ABLIM2: variants seen among roughly 807,000 people sequenced by gnomAD.
The protein encoded by ABLIM2 is actin-binding LIM protein 2.
Under a neutral mutation model 97.7 loss-of-function variants are expected in ABLIM2, and 53 were observed. The observed-to-expected ratio is 0.54, with a 90% confidence interval of 0.44 to 0.68. ABLIM2 has a LOEUF of 0.68. Ranked by LOEUF, ABLIM2 falls within the 30% of genes least tolerant of loss-of-function variation. The pLI is 0.00. For synonymous variants in ABLIM2, 361 were observed against 345.8 expected (o/e 1.04, Z -0.49); for missense variants, 835 against 867.2 (o/e 0.96, Z 0.47).
chr4:8,020,085 G>A lies in ABLIM2; in HGVS notation c.1369+117C>T. 1.7e-5 allele frequency: 15 copies of A among 879,244 alleles called. No homozygotes were observed. The South Asian group carries it at 2.4e-4, about 14-fold the overall frequency. The allele number at this position is 879,244 out of a possible 1,614,324, so 54.5% of individuals were successfully genotyped here. On this transcript the variant is annotated intron_variant, in intron 13 of 20. Transcript: ENST00000447017. ...TCAGTGCCTGGGGAGCAGTGGAGGA[G>A]CCTGGAGTGTCGTCTGGCGCCTGCT...
chr4:8,087,494 C>G lies in ABLIM2; in HGVS notation c.454+675G>C, dbSNP rs1264335960. The stretch of plus-strand genomic sequence containing the variant: ...GGAGGTGGAGCAGTGAACCCAAGGG[C>G]CCCTGACTGCGGGAGCCCGGAGCTC... On this transcript the variant is annotated intron_variant, in intron 4 of 20. Transcript: ENST00000447017. The surrounding 1 kb of genome is among the most constrained non-coding windows in gnomAD (Gnocchi z 4.6). Among the ~76,000 whole-genome samples the G allele has an allele frequency of 6.6e-6, 1 of 152,230 alleles. No individual in the cohort carries two copies. Among genetic ancestry groups the G allele is most frequent in the Non-Finnish European group, 1.5e-5 (1 of 68,036 alleles).
At chr4:8,084,045 G>C (rs544066398) in intron 4 of ABLIM2, among the ~76,000 whole-genome samples, 12 of 152,120 alleles carry the variant, frequency 7.9e-5, no homozygotes, top group East Asian at 3.9e-4. Flanking sequence ...AGGGGAGTAG[G>C]GGGGAGTCTC....
In ABLIM2 at chr4:8,032,520, G is replaced by A. The variant is rs1405304730; in HGVS notation, c.1048-2744C>T. On this transcript the variant is annotated intron_variant, in intron 10 of 20. Coordinates refer to ENST00000447017, the MANE Select transcript of ABLIM2 (RefSeq NM_001130083.2). The surrounding 1 kb of genome is among the most constrained non-coding windows in gnomAD (Gnocchi z 4.3). ...GAGGGTGCCCCATGTCACAAGGGCC[G>A]TGGCCCCGGGCCCCATGGTGAAGAG... 11 of 1,189,604 alleles carry A rather than the reference G, an allele frequency of 9.2e-6. No individual in the cohort carries two copies. The highest frequency in any genetic ancestry group is 2.4e-5 in the East Asian group (1 of 40,834). The allele number at this position is 1,189,604 out of a possible 1,614,324, so 73.7% of individuals were successfully genotyped here.
In ABLIM2 at chr4:8,005,409, C is replaced by T. The variant is rs776582722; in HGVS notation, c.1618+2650G>A. 19 of 533,522 alleles carry T rather than the reference C, an allele frequency of 3.6e-5. No individual in the cohort carries two copies. The highest frequency in any genetic ancestry group is 8.3e-4 in the Middle Eastern group (2 of 2,410). 33.0% of individuals were successfully genotyped at this position (533,522 alleles called of 1,614,324 possible). ...GTGTCACAATCCTACCTTCCTTGGGCGCGCTACAGATGGACGTCCCGGGGT... is the reference window on the plus strand; with the variant it reads ...GTGTCACAATCCTACCTTCCTTGGGTGCGCTACAGATGGACGTCCCGGGGT... On this transcript the variant is annotated intron_variant, in intron 16 of 20. Transcript: ENST00000447017. The surrounding 1 kb of genome is among the most constrained non-coding windows in gnomAD (Gnocchi z 4.9).
At chr4:7,978,898 TA>T (rs1735784050) in intron 20 of ABLIM2, among the ~76,000 whole-genome samples, 1 of 152,168 alleles carries the variant, frequency 6.6e-6, no homozygotes. Context: ...AGGCAGAGGC[TA>T]CCCAAGAGAG....
rs557946715 is a variant in ABLIM2 at position 8,115,182 on chromosome 4, A to G, written c.11-8545T>C. ...AATACCTCAGGCTCCTGACCTCCAC[A>G]TGCCCCTCTCAGCATCACTGTCACC... On this transcript the variant is annotated intron_variant, in intron 1 of 20. Transcript: ENST00000447017. Among the ~76,000 whole-genome samples, 14 of 152,222 alleles carry G rather than the reference A, an allele frequency of 9.2e-5. No individual in the cohort carries two copies. The East Asian group carries it at 2.5e-3, about 27-fold the overall frequency.
intron 10 of ABLIM2, among the ~76,000 whole-genome samples, chr4:8,030,969 C>T (rs967253373): frequency 6.6e-6 from 1 of 152,242 alleles, no homozygotes. Flanking sequence ...CTACCATCCC[C>T]CAGCACTGTG....
intron 6 of ABLIM2, chr4:8,066,624 C>T (rs180915011): frequency 2.6e-5 from 4 of 152,254 alleles, no homozygotes; most frequent in Middle Eastern, 3.4e-3. Context: ...ACTCTGAAAA[C>T]GTGTGCAGTG....
intron 9 of ABLIM2, among the ~76,000 whole-genome samples, chr4:8,038,770 C>T (rs1483072606): frequency 6.6e-6 from 1 of 152,184 alleles, no homozygotes; most frequent in African/African-American, 2.4e-5. Context: ...CCCGAGCCAG[C>T]CATTTGTAAT....
chr4:8,138,597 T>C (rs573210438), intron 1 of ABLIM2, among the ~76,000 whole-genome samples: 1 of 152,222 alleles, frequency 6.6e-6, no homozygotes, highest in Admixed American at 6.5e-5. Flanking sequence ...TTCAACAAAC[T>C]TGAGAAAACA....
At chr4:8,094,076 A>C (rs368128647) in intron 3 of ABLIM2, among the ~76,000 whole-genome samples, 1 of 152,164 alleles carries the variant, frequency 6.6e-6, no homozygotes, top group Non-Finnish European at 1.5e-5. Flanking sequence ...AAGTTTACTG[A>C]TATTTTCTTC....
chr4:8,007,118 C>T, intron 16 of ABLIM2: 1 of 985,436 alleles, frequency 1.0e-6, no homozygotes. Flanking sequence ...TTTCTACTTT[C>T]ATTGTTAAGT....
chr4:7,973,977 G>A (rs1730478460), intron 20 of ABLIM2, among the ~76,000 whole-genome samples: 1 of 152,246 alleles, frequency 6.6e-6, no homozygotes, highest in Non-Finnish European at 1.5e-5. Flanking sequence ...GGAGCCTCAT[G>A]AAGTCTGTTG....
In ABLIM2 at chr4:8,113,043, C is replaced by A. The variant is rs1471806010; in HGVS notation, c.11-6406G>T. Among the ~76,000 whole-genome samples the A allele has an allele frequency of 6.6e-6, 1 of 152,218 alleles. No individual in the cohort carries two copies. Among genetic ancestry groups the A allele is most frequent in the Non-Finnish European group, 1.5e-5 (1 of 68,036 alleles). On this transcript the variant is annotated intron_variant, in intron 1 of 20. Coordinates refer to ENST00000447017, the MANE Select transcript of ABLIM2 (RefSeq NM_001130083.2). The surrounding 1 kb of genome is among the most constrained non-coding windows in gnomAD (Gnocchi z 4.5). Reference sequence around the variant, plus strand: ...CAAACTCCTCTTTCTGTCCAGCGAACCAGCTCTCACGACCCAGACAGCAGA... The same window carrying A: ...CAAACTCCTCTTTCTGTCCAGCGAAACAGCTCTCACGACCCAGACAGCAGA...
intron 10 of ABLIM2, among the ~76,000 whole-genome samples, chr4:8,035,043 ATGGGTGGTAGGTAGGTGGGTGCAGGTGAG>A (rs1477163912): frequency 9.3e-4 from 28 of 30,076 alleles, no homozygotes; most frequent in South Asian, 1.3e-3. Context: ...CAGGTGGGTG[ATGGGTGGTAGGTAGGTGGGTGCAGGTGAG>A]TGGGTGGCAG....
chr4:8,097,158 C>G lies in ABLIM2; in HGVS notation c.279G>C (p.Glu93Asp), dbSNP rs769740568. The change falls in exon 3 of 21, where the codon GAG (glutamate) becomes GAC (aspartate). Residue 93 changes from glutamate (E) to aspartate (D), a missense_variant. Transcript: ENST00000447017. ...CFSCDQFIEGEVVSALGKTYH... is the reference protein window; with the variant it reads ...CFSCDQFIEGDVVSALGKTYH... ...AGGTCTTGCCCAGCGCCGACACCAC[C>G]TCACCCTCAATGAACTGGTCGCAGC... 9 of 1,610,658 alleles carry G rather than the reference C, an allele frequency of 5.6e-6. No homozygotes were observed. Among genetic ancestry groups the G allele is most frequent in the Non-Finnish European group, 7.6e-6 (9 of 1,178,784 alleles).
intron 14 of ABLIM2, among the ~76,000 whole-genome samples, chr4:8,017,301 AT>A (rs199555557): frequency 1.3e-3 from 174 of 133,174 alleles, no homozygotes; most frequent in African/African-American, 3.3e-3. Flanking sequence ...TATTATTATT[AT>A]TTTTTTTTTT....
Position 7,970,896 on chromosome 4 carries a change from G to T in ABLIM2, c.1825-3793C>A, listed in dbSNP as rs780004888. ...CTCGTATGTGGCCTACAGGGCCCAG[G>T]ACTTGGGGCCAGGGGTCTAGGGGGC... On this transcript the variant is annotated intron_variant, in intron 20 of 20. Coordinates refer to ENST00000447017, the MANE Select transcript of ABLIM2 (RefSeq NM_001130083.2). The surrounding 1 kb of genome is among the most constrained non-coding windows in gnomAD (Gnocchi z 5.3). Among the ~76,000 whole-genome samples the T allele has an allele frequency of 6.6e-6, 1 of 151,998 alleles. No individual in the cohort carries two copies. The highest frequency in any genetic ancestry group is 1.5e-5 in the Non-Finnish European group (1 of 67,972).
rs1310637700 is a variant in ABLIM2 at position 8,061,491 on chromosome 4, A to G, written c.676-437T>C. 6.6e-6 allele frequency among the ~76,000 whole-genome samples: 1 copy of G among 152,088 alleles called. No individual in the cohort carries two copies. The highest frequency in any genetic ancestry group is 2.4e-5 in the African/African-American group (1 of 41,396). ...CAAGAATTAGGGGAGTGGGGTGAAA[A>G]AGGATGAATACTTTCCTTTTCACAT... On this transcript the variant is annotated intron_variant, in intron 6 of 20. Coordinates refer to ENST00000447017, the MANE Select transcript of ABLIM2 (RefSeq NM_001130083.2). This position sits in a 1 kb window ranked among gnomAD's most constrained non-coding sequence, Gnocchi z 4.5.
Sources: gnomAD v4.1 joint callset for allele counts (sites outside exome capture counted in the v4.1 genomes callset) on GRCh38, gnomAD v4.1.1 for gene constraint, Gnocchi (gnomAD v3.1) non-coding constraint, MANE v1.5 for transcripts, NCBI Gene and HGNC (gene_info 2026-07-23, HGNC 2026-07-21) for gene names.